The following DECR1 variants were observed in gnomAD, a reference collection of about 807,000 sequenced individuals.
DECR1 encodes the protein 2,4-dienoyl-CoA reductase [(3E)-enoyl-CoA-producing], mitochondrial.
Under a neutral mutation model 38.8 loss-of-function variants are expected in DECR1, and 44 were observed. The ratio of observed to expected loss-of-function variants is 1.13; its 90% CI spans 0.89 to 1.46. DECR1 has a LOEUF of 1.46. DECR1 is among the 40% of genes most tolerant of loss of function. The pLI is 0.00. For synonymous variants in DECR1, 148 were observed against 135.2 expected (o/e 1.09, Z -0.66); for missense variants, 428 against 405.5 (o/e 1.06, Z -0.48).
At position 90,021,854 on chromosome 8, in the gene DECR1, C is replaced by G. The variant is rs111582887; in HGVS notation, c.565+798C>G. 2.4e-3 allele frequency among the ~76,000 whole-genome samples: 370 copies of G among 152,224 alleles called. 3 individuals carry two copies. The highest frequency in any genetic ancestry group is 7.8e-3 in the African/African-American group (322 of 41,522). ...GGAAAATAGATTTAGAAAGAACTTA[C>G]TAGGAGAACATTTTTGTTAGTATTA... On this transcript the variant is annotated intron_variant, in intron 5 of 9. Transcript: ENST00000220764.
At chr8:90,018,880 A>G (rs1813076373) in intron 2 of DECR1, 29 bp from the exon 3 acceptor site, 3 of 1,510,512 alleles carry the variant, frequency 2.0e-6, no homozygotes, top group Non-Finnish European at 2.7e-6. Flanking sequence ...AAAATATAAT[A>G]TGAAGTCATA....
chr8:90,027,774 TAAAA>T (rs76089922), intron 5 of DECR1, among the ~76,000 whole-genome samples: 1 of 150,970 alleles, frequency 6.6e-6, no homozygotes, highest in Non-Finnish European at 1.5e-5. Context: ...GTTTTTTTTT[TAAAA>T]AAAAATCGTG....
At position 90,017,189 on chromosome 8, in the gene DECR1, A is replaced by T. The variant is rs1242301289; in HGVS notation, c.135A>T (p.Ser45=). 1 of 1,614,120 alleles carries T rather than the reference A, an allele frequency of 6.2e-7. No individual in the cohort carries two copies. The highest frequency in any genetic ancestry group is 8.5e-7 in the Non-Finnish European group (1 of 1,179,968). Residue 45 remains serine (S), a synonymous_variant, in exon 2 of 10, where the codon TCA becomes TCT. Coordinates refer to ENST00000220764, the MANE Select transcript of DECR1 (RefSeq NM_001359.2). The stretch of plus-strand genomic sequence containing the variant: ...AAGCTTTGCAATCTAAATTCTTTTC[A>T]CCTCTTCAAAAAGCGATGCTACCAC... ...NTEALQSKFF[S]PLQKAMLPPN...
chr8:90,020,830 C>A, intron 4 of DECR1, 79 bp from the exon 5 acceptor site: 1 of 1,156,384 alleles, frequency 8.6e-7, no homozygotes, highest in Non-Finnish European at 1.2e-6. Context: ...TCTATTAATA[C>A]ATTTCAGAAA....
At chr8:90,027,219 C>T (rs1332429661) in intron 5 of DECR1, among the ~76,000 whole-genome samples, 2 of 152,248 alleles carry the variant, frequency 1.3e-5, no homozygotes, top group African/African-American at 2.4e-5. Flanking sequence ...GTGGAGAGTT[C>T]TGTTGATGTC....
chr8:90,018,940 C>A lies in DECR1; in HGVS notation c.304C>A (p.Gln102Lys), dbSNP rs529586632. The A allele has an allele frequency of 6.3e-7, 1 of 1,594,676 alleles. No homozygotes were observed. Among genetic ancestry groups the A allele is most frequent in the African/African-American group, 1.3e-5 (1 of 74,494 alleles). The change falls in exon 3 of 10, where the codon CAA (glutamine) becomes AAA (lysine). Residue 102 changes from glutamine to lysine, a missense_variant. Physicochemically the swap from Gln to Lys is moderately conservative, Grantham distance 53. Transcript: ENST00000220764. ...KMDVLKATAE[Q>K]ISSQTGNKVH... ...GGATGTTTTGAAAGCTACCGCAGAA[C>A]AAATTTCTTCTCAAACTGGAAATAA...
At chr8:90,024,223 G>A (rs1477237915) in intron 5 of DECR1, among the ~76,000 whole-genome samples, 1 of 152,294 alleles carries the variant, frequency 6.6e-6, no homozygotes, top group East Asian at 1.9e-4. Flanking sequence ...AATCCTTTGG[G>A]TATATACCCA....
At chr8:90,038,620 G>A (rs1188246642) in intron 6 of DECR1, among the ~76,000 whole-genome samples, 2 of 151,806 alleles carry the variant, frequency 1.3e-5, no homozygotes, top group African/African-American at 4.8e-5. Flanking sequence ...CACCACACCT[G>A]GCTAATTTTG....
intron 1 of DECR1, chr8:90,015,687 T>C (rs1452897084): frequency 2.2e-6 from 1 of 456,106 alleles, no homozygotes; most frequent in Non-Finnish European, 4.4e-6. Context: ...GAGTTTTAAC[T>C]GGAGTGTTAA....
intron 5 of DECR1, among the ~76,000 whole-genome samples, chr8:90,035,856 G>A (rs1014543391): frequency 6.6e-6 from 1 of 151,966 alleles, no homozygotes; most frequent in Non-Finnish European, 1.5e-5. Context: ...ATTTTTAAGG[G>A]TCATTTTAAA....
intron 1 of DECR1, chr8:90,006,300 G>T: frequency 1.4e-6 from 1 of 704,140 alleles, no homozygotes. Flanking sequence ...TTATGAGAGT[G>T]TTGTTGTTTG....
chr8:90,018,442 A>G (rs192977164), intron 2 of DECR1: 1 of 153,478 alleles, frequency 6.5e-6, no homozygotes, highest in East Asian at 1.9e-4. Context: ...TTGCAATTGC[A>G]GATTGTCCGG....
At chr8:90,011,738 A>G (rs1812887279) in intron 1 of DECR1, among the ~76,000 whole-genome samples, 1 of 152,112 alleles carries the variant, frequency 6.6e-6, no homozygotes, top group African/African-American at 2.4e-5. Flanking sequence ...TTTCATCTTA[A>G]TGTATATCTT....
At chr8:90,030,448 A>G (rs1028107646) in intron 5 of DECR1, 2 of 152,160 alleles carry the variant, frequency 1.3e-5, no homozygotes, top group Admixed American at 6.6e-5. Flanking sequence ...CTTCCCCACC[A>G]TTTCCTAACT....
chr8:90,039,393 A>T (rs2130136683), intron 6 of DECR1, among the ~76,000 whole-genome samples: 1 of 152,202 alleles, frequency 6.6e-6, no homozygotes, highest in African/African-American at 2.4e-5. Flanking sequence ...CAGGAAAGAG[A>T]ATGTGTTCCA....
Position 90,053,327 on chromosome 8 carries a change from A to G in DECR1, c.*1430A>G. On this transcript the variant is annotated 3_prime_UTR_variant, in exon 10 of 10. Transcript: ENST00000220764. The stretch of plus-strand genomic sequence containing the variant: ...ATGGCAGAAGGTGAGTGAGGAGCAA[A>G]GTCATGTCTTACGTGGTGGCACCCA... Among the ~76,000 whole-genome samples the G allele has an allele frequency of 6.6e-6, 1 of 152,194 alleles. No homozygotes were observed. The highest frequency in any genetic ancestry group is 1.9e-4 in the East Asian group (1 of 5,198).
intron 1 of DECR1, chr8:90,006,166 CTTAGCAGG>C (rs1365076067): frequency 1.4e-6 from 1 of 703,130 alleles, no homozygotes; most frequent in Admixed American, 2.0e-5. Flanking sequence ...TCCAAACATC[CTTAGCAGG>C]TTGACTAAGG....
chr8:90,035,273 T>C (rs1480948053), intron 5 of DECR1, among the ~76,000 whole-genome samples: 1 of 152,188 alleles, frequency 6.6e-6, no homozygotes, highest in Non-Finnish European at 1.5e-5. Context: ...TTCGGAATTT[T>C]TTTAGTCCTT....
chr8:90,015,789 G>A (rs1812992639), intron 1 of DECR1: 1 of 338,624 alleles, frequency 3.0e-6, no homozygotes. Context: ...AGAGGAATAT[G>A]CAAGCTGGTT....
Sources: allele counts gnomAD v4.1 joint callset (sites outside exome capture counted in the v4.1 genomes callset), GRCh38; gene constraint gnomAD v4.1.1; transcripts MANE v1.5; gene names NCBI Gene and HGNC (gene_info 2026-07-23, HGNC 2026-07-21).